Variants in MAP4K4 observed in about 807,000 individuals in gnomAD.
The protein encoded by MAP4K4 is HPK/GCK-like kinase HGK.
A neutral mutation model predicts 189.6 loss-of-function variants in MAP4K4; 38 were observed. The ratio of observed to expected loss-of-function variants is 0.20; its 90% CI spans 0.15 to 0.26. The LOEUF (loss-of-function observed/expected upper bound fraction) is 0.26. Ranked by LOEUF, MAP4K4 falls within the 10% of genes least tolerant of loss-of-function variation. MAP4K4 has a pLI of 1.00. For synonymous variants in MAP4K4, 610 were observed against 624.3 expected, an observed-to-expected ratio of 0.98 and a Z score of 0.34; for missense variants, 1,054 against 1,726.9, an observed-to-expected ratio of 0.61 and a Z score of 6.91.
chr2:101,810,315 T>G (rs1407224252), intron 3 of MAP4K4, among the ~76,000 whole-genome samples: 1 of 152,092 alleles, frequency 6.6e-6, no homozygotes, highest in Admixed American at 6.5e-5. Flanking sequence ...TAAATACAGG[T>G]AATCACTGTG....
chr2:101,841,785 T>C (rs1310930074), intron 10 of MAP4K4, among the ~76,000 whole-genome samples: 2 of 152,154 alleles, frequency 1.3e-5, no homozygotes, highest in African/African-American at 4.8e-5. Flanking sequence ...ATCTTGTATA[T>C]CTTTGAAAAA....
chr2:101,793,851 A>G (rs2093332028), intron 3 of MAP4K4, among the ~76,000 whole-genome samples: 2 of 152,160 alleles, frequency 1.3e-5, no homozygotes, highest in Admixed American at 6.5e-5. Context: ...ATGTGGGCCC[A>G]CTTCACTTGC....
At chr2:101,827,238 C>T (rs1212492089) in intron 5 of MAP4K4, among the ~76,000 whole-genome samples, 2 of 152,132 alleles carry the variant, frequency 1.3e-5, no homozygotes, top group Non-Finnish European at 2.9e-5. Flanking sequence ...AAATCTTTTT[C>T]ACCTCACTGG....
intron 2 of MAP4K4, among the ~76,000 whole-genome samples, chr2:101,777,323 G>C (rs943702289): frequency 6.6e-6 from 1 of 152,234 alleles, no homozygotes; most frequent in Admixed American, 6.5e-5. Flanking sequence ...GCACACAGCA[G>C]TGGGTGTGCT....
chr2:101,888,777 A>AT lies in MAP4K4; in HGVS notation c.3932-14dup. On this transcript the variant is annotated intron_variant, in intron 31 of 32. Transcript: ENST00000324219. ...GTTTCCTCATCTTTAACGGTTTGCA[A>AT]TTTTTCCCTCCCCAAAAGCATATAT... is the stretch of plus-strand genomic sequence containing the variant. 6.4e-7 allele frequency: 1 copy of AT among 1,569,576 alleles called. No individual in the cohort carries two copies. Among genetic ancestry groups the AT allele is most frequent in the Non-Finnish European group, 8.6e-7 (1 of 1,160,912 alleles).
At chr2:101,789,075 A>G (rs769391124) in intron 2 of MAP4K4, among the ~76,000 whole-genome samples, 4 of 152,204 alleles carry the variant, frequency 2.6e-5, no homozygotes, top group Admixed American at 1.3e-4. Context: ...AGGACAGTGC[A>G]TGTGACATTT....
At chr2:101,777,459 G>A (rs1409448031) in intron 2 of MAP4K4, among the ~76,000 whole-genome samples, 2 of 152,182 alleles carry the variant, frequency 1.3e-5, no homozygotes, top group Non-Finnish European at 2.9e-5. Flanking sequence ...GCCGGCTCAT[G>A]GTTTTCTGTG....
Position 101,698,149 on chromosome 2 carries a change from C to T in MAP4K4, c.57+12C>T, listed in dbSNP as rs749530295. On this transcript the variant is annotated intron_variant, in intron 1 of 32. Transcript: ENST00000324219. The stretch of plus-strand genomic sequence containing the variant: ...TCTCCTCCCTGCGGGTGAGTGGGCC[C>T]GCGAGCGGGCGCGCGGGGAGCGGGC... The T allele has an allele frequency of 1.7e-6, 2 of 1,201,216 alleles. No homozygotes were observed. The highest frequency in any genetic ancestry group is 2.5e-5 in the Admixed American group (1 of 40,072). The allele number at this position is 1,201,216 out of a possible 1,614,324, so 74.4% of individuals were successfully genotyped here.
At chr2:101,882,499 A>T in intron 27 of MAP4K4, 52 bp from the exon 28 acceptor site, 2 of 1,387,158 alleles carry the variant, frequency 1.4e-6, no homozygotes, top group Non-Finnish European at 1.9e-6. Context: ...GTTATTAATG[A>T]TGAGACCTAC....
chr2:101,846,230 G>A (rs1057099928), intron 12 of MAP4K4, among the ~76,000 whole-genome samples: 4 of 152,178 alleles, frequency 2.6e-5, no homozygotes, highest in African/African-American at 9.7e-5. Context: ...TTCTTTGAAC[G>A]TAATAAATCT....
intron 2 of MAP4K4, among the ~76,000 whole-genome samples, chr2:101,715,332 C>T (rs1470124513): frequency 6.6e-6 from 1 of 152,182 alleles, no homozygotes; most frequent in African/African-American, 2.4e-5. Flanking sequence ...GTCTCAATCA[C>T]TTTCTGAGGT....
intron 2 of MAP4K4, among the ~76,000 whole-genome samples, chr2:101,775,027 A>G (rs1575335942): frequency 1.5e-5 from 2 of 137,080 alleles, no homozygotes; most frequent in South Asian, 2.3e-4. Flanking sequence ...AGGGTTTCCT[A>G]TCCCCTCTTT....
chr2:101,862,534 T>C (rs2097696895), intron 16 of MAP4K4, among the ~76,000 whole-genome samples: 1 of 152,194 alleles, frequency 6.6e-6, no homozygotes, highest in South Asian at 2.1e-4. Flanking sequence ...CAAGTTAAAC[T>C]TCGCATAAAT....
intron 2 of MAP4K4, among the ~76,000 whole-genome samples, chr2:101,725,595 G>T (rs962399638): frequency 6.6e-6 from 1 of 152,166 alleles, no homozygotes; most frequent in South Asian, 2.1e-4. Flanking sequence ...CCTTGGCTCT[G>T]TGTGGTACAC....
At chr2:101,735,342 A>G (rs1452706102) in intron 2 of MAP4K4, among the ~76,000 whole-genome samples, 1 of 152,168 alleles carries the variant, frequency 6.6e-6, no homozygotes, top group African/African-American at 2.4e-5. Flanking sequence ...ATTTATCTTC[A>G]TCTCTGTACT....
intron 2 of MAP4K4, among the ~76,000 whole-genome samples, chr2:101,769,931 T>C (rs1157934575): frequency 1.3e-5 from 2 of 152,132 alleles, no homozygotes; most frequent in Non-Finnish European, 2.9e-5. Flanking sequence ...GGATTATGTA[T>C]TTAAAGGAAA....
At chr2:101,866,524 G>A (rs2097821484) in exon 19 of MAP4K4, 3 of 1,613,632 alleles carry the variant, frequency 1.9e-6, no homozygotes, top group Admixed American at 1.7e-5. Context: ...CAGGATCCCA[G>A]CCCGGGTCTC....
At chr2:101,822,695 T>TTG (rs779479884) in intron 3 of MAP4K4, among the ~76,000 whole-genome samples, 15 of 152,148 alleles carry the variant, frequency 9.9e-5, no homozygotes, top group Non-Finnish European at 1.5e-4. Flanking sequence ...TTCTTCCAAG[T>TTG]TGTGTGTGTG....
intron 2 of MAP4K4, among the ~76,000 whole-genome samples, chr2:101,707,065 C>T (rs964378617): frequency 6.6e-6 from 1 of 152,162 alleles, no homozygotes; most frequent in Non-Finnish European, 1.5e-5. Flanking sequence ...TGGCCTTGCA[C>T]CTCACTTGGT....
Sources: gnomAD v4.1 joint callset for allele counts (sites outside exome capture counted in the v4.1 genomes callset) on GRCh38, gnomAD v4.1.1 for gene constraint, MANE v1.5 for transcripts, NCBI Gene and HGNC (gene_info 2026-07-23, HGNC 2026-07-21) for gene names.